Variants in GPRC5C observed in about 807,000 individuals in gnomAD.
GPRC5C encodes the protein G protein-coupled receptor family C group 5 member C.
A neutral mutation model predicts 31.4 loss-of-function variants in GPRC5C; 22 were observed. The ratio of observed to expected loss-of-function variants is 0.70; its 90% CI spans 0.50 to 1.00. The LOEUF is 1.00. Ranked by LOEUF, GPRC5C falls within the 50% of genes least tolerant of loss-of-function variation. GPRC5C has a pLI of 0.00. For missense variants in GPRC5C, 557 were observed against 597.2 expected, an observed-to-expected ratio of 0.93 and a Z score of 0.70; for synonymous variants, 249 against 257.5, an observed-to-expected ratio of 0.97 and a Z score of 0.32.
chr17:74,449,655 C>T (rs142392766), downstream of GPRC5C: 1,209 of 245,852 alleles, frequency 4.9e-3, 16 homozygotes, highest in African/African-American at 0.026. Context: ...CCTCTTGACA[C>T]GCCCCCCTCC....
chr17:74,434,693 T>A (rs2055406222), intron 1 of GPRC5C, among the ~76,000 whole-genome samples: 1 of 152,080 alleles, frequency 6.6e-6, no homozygotes, highest in Non-Finnish European at 1.5e-5. Flanking sequence ...GAGGCTGAGG[T>A]AGGTGGATCA....
rs57390968 is a variant in GPRC5C at position 74,437,629 on chromosome 17, A to ATTTTTTTTTTTTTTTTTTT, written c.-32-2101_-32-2100insTTTTTTTTTTTTTTTTTTT. Among the ~76,000 whole-genome samples the ATTTTTTTTTTTTTTTTTTT allele has an allele frequency of 3.7e-4, 48 of 129,838 alleles. 2 individuals carry two copies. The highest frequency in any genetic ancestry group is 1.6e-3 in the African/African-American group (45 of 28,316). The allele number at this position is 129,838 out of a possible 152,430, so 85.2% of individuals were successfully genotyped here. A position where few individuals can be genotyped will look rare whatever the true frequency, so the allele number is the denominator to read the frequency against. ...CTTTCACATAACAATTATGGACAGA[A>ATTTTTTTTTTTTTTTTTTT]TTTTTTTTTTTTTTTGCTTCTGTGT... On this transcript the variant is annotated intron_variant, in intron 1 of 3. Transcript: ENST00000392627.
intron 1 of GPRC5C, among the ~76,000 whole-genome samples, chr17:74,433,326 C>T (rs1393079003): frequency 6.6e-6 from 1 of 152,024 alleles, no homozygotes; most frequent in Non-Finnish European, 1.5e-5. Flanking sequence ...CAGAGCAGAC[C>T]CTTGAAGATT....
chr17:74,451,482 CAA>C (rs938882013), downstream of GPRC5C: 1 of 152,188 alleles, frequency 6.6e-6, no homozygotes, highest in African/African-American at 2.4e-5. Context: ...GCATCACAAA[CAA>C]GCGTTGAATG....
intron 2 of GPRC5C, among the ~76,000 whole-genome samples, chr17:74,442,830 T>TG (rs139884297): frequency 0.034 from 5,183 of 151,890 alleles, 144 homozygotes; most frequent in African/African-American, 0.075. Context: ...ACGGTGTGCA[T>TG]GGCGGGGGTG....
chr17:74,432,500 A>G, intron 1 of GPRC5C: 1 of 1,020,732 alleles, frequency 9.8e-7, no homozygotes, highest in Non-Finnish European at 1.2e-6. Context: ...GCTGCGCTGG[A>G]GCGGGGCCGG....
At chr17:74,441,386 C>T (rs1002240567) in intron 2 of GPRC5C, among the ~76,000 whole-genome samples, 1 of 152,132 alleles carries the variant, frequency 6.6e-6, no homozygotes, top group Non-Finnish European at 1.5e-5. Context: ...CCCCAGCTGC[C>T]TCCCCAGTCC....
At chr17:74,432,417 T>G in intron 1 of GPRC5C, 1 of 1,156,344 alleles carries the variant, frequency 8.6e-7, no homozygotes. Context: ...GGACCGGGCC[T>G]GGCCCAGCGC....
chr17:74,439,699 T>A, intron 1 of GPRC5C, 46 bp from the exon 2 acceptor site: 3 of 1,536,796 alleles, frequency 2.0e-6, no homozygotes, highest in Non-Finnish European at 2.6e-6. Context: ...TATATTGGAG[T>A]CTGATCTTGG....
At chr17:74,444,002 T>G in intron 3 of GPRC5C, 90 bp downstream of exon 3, 1 of 891,424 alleles carries the variant, frequency 1.1e-6, no homozygotes. Context: ...TGGCCAGAGC[T>G]GGGTTGGGTG....
chr17:74,432,188 C>A (rs767274142), intron 1 of GPRC5C, 47 bp downstream of exon 1: 10 of 1,581,426 alleles, frequency 6.3e-6, no homozygotes, highest in Non-Finnish European at 8.6e-6. Flanking sequence ...CCTGTGTAAA[C>A]GGAGCGCACG....
At chr17:74,436,807 T>C (rs1025943692) in intron 1 of GPRC5C, among the ~76,000 whole-genome samples, 1 of 152,216 alleles carries the variant, frequency 6.6e-6, no homozygotes, top group Non-Finnish European at 1.5e-5. Context: ...CAAGCCCAAG[T>C]TCTGGCTGGT....
At chr17:74,435,609 A>C (rs904203284) in intron 1 of GPRC5C, among the ~76,000 whole-genome samples, 1 of 152,120 alleles carries the variant, frequency 6.6e-6, no homozygotes, top group African/African-American at 2.4e-5. Context: ...TTGGCAGGAG[A>C]AGCAAGACTT....
chr17:74,446,752 C>T, intron 3 of GPRC5C, 97 bp from the exon 4 acceptor site: 1 of 950,582 alleles, frequency 1.1e-6, no homozygotes, highest in Non-Finnish European at 1.6e-6. Flanking sequence ...TGGGGGGGAT[C>T]TGGCAGTCCC....
At chr17:74,437,629 A>ATTTTTTTTTTTTTTTTTTTTTTT (rs57390968) in intron 1 of GPRC5C, among the ~76,000 whole-genome samples, 24 of 129,856 alleles carry the variant, frequency 1.8e-4, no homozygotes, top group African/African-American at 6.4e-4. Context: ...TATGGACAGA[A>ATTTTTTTTTTTTTTTTTTTTTTT]TTTTTTTTTT....
chr17:74,443,651 A>T (rs752202121), intron 2 of GPRC5C, 167 bp from the exon 3 acceptor site: 1 of 685,514 alleles, frequency 1.5e-6, no homozygotes, highest in East Asian at 2.8e-5. Context: ...CCCCGTGTTC[A>T]CAACCTCACC....
downstream of GPRC5C, among the ~76,000 whole-genome samples, chr17:74,447,744 G>A (rs2055664362): frequency 7.1e-6 from 1 of 140,894 alleles, no homozygotes; most frequent in African/African-American, 2.6e-5. Flanking sequence ...CAGTGGCTGT[G>A]GGGATAGGAC....
At chr17:74,450,731 G>C (rs2144462597), downstream of GPRC5C, among the ~76,000 whole-genome samples, 1 of 152,348 alleles carries the variant, frequency 6.6e-6, no homozygotes, top group South Asian at 2.1e-4. Context: ...GTACCTCCAT[G>C]GTGCTGGCAC....
At chr17:74,436,109 C>T (rs1228674130) in intron 1 of GPRC5C, among the ~76,000 whole-genome samples, 1 of 152,154 alleles carries the variant, frequency 6.6e-6, no homozygotes, top group Admixed American at 6.5e-5. Flanking sequence ...CTGCCTGTTG[C>T]CTTTAGGATA....
Sources: gnomAD v4.1 joint callset for allele counts (sites outside exome capture counted in the v4.1 genomes callset) on GRCh38, gnomAD v4.1.1 for gene constraint, MANE v1.5 for transcripts, NCBI Gene and HGNC (gene_info 2026-07-23, HGNC 2026-07-21) for gene names.